The following CDYL2 variants were observed in gnomAD, a reference collection of about 807,000 sequenced individuals.
CDYL2 encodes chromodomain Y-like protein 2.
A neutral mutation model predicts 49.4 loss-of-function variants in CDYL2; 23 were observed. That is an observed-to-expected ratio of 0.47 (90% CI 0.34 to 0.66). The LOEUF is 0.66. Among genes scored for constraint, CDYL2 ranks in the 30% least tolerant of loss-of-function variants. CDYL2 has a pLI of 0.01. For missense variants in CDYL2, 678 were observed against 656.4 expected, an observed-to-expected ratio of 1.03 and a Z score of -0.36; for synonymous variants, 360 against 268.8, an observed-to-expected ratio of 1.34 and a Z score of -3.32.
At chr16:80,637,381 AC>A (rs1299823568) in intron 2 of CDYL2, among the ~76,000 whole-genome samples, 1 of 152,204 alleles carries the variant, frequency 6.6e-6, no homozygotes, top group East Asian at 1.9e-4. Flanking sequence ...TTTCAATATC[AC>A]ACTGAGAGTC....
At chr16:80,690,683 C>G (rs976624345) in intron 1 of CDYL2, among the ~76,000 whole-genome samples, 1 of 152,094 alleles carries the variant, frequency 6.6e-6, no homozygotes, top group Non-Finnish European at 1.5e-5. Flanking sequence ...GCAGCATATC[C>G]GCAGCTTCAG....
chr16:80,722,497 C>T (rs888252721), intron 1 of CDYL2, among the ~76,000 whole-genome samples: 12 of 152,198 alleles, frequency 7.9e-5, no homozygotes, highest in East Asian at 1.9e-4. Flanking sequence ...GAGCCAACAA[C>T]GGCAAAGTCA....
At chr16:80,651,152 G>C (rs1242395124) in intron 2 of CDYL2, among the ~76,000 whole-genome samples, 1 of 152,000 alleles carries the variant, frequency 6.6e-6, no homozygotes, top group Non-Finnish European at 1.5e-5. Context: ...TGAGAGGGTG[G>C]ATACCCCATT....
At chr16:80,780,316 G>A (rs1312265896) in intron 1 of CDYL2, among the ~76,000 whole-genome samples, 2 of 149,856 alleles carry the variant, frequency 1.3e-5, no homozygotes, top group African/African-American at 4.9e-5. Flanking sequence ...CTATAAGCAA[G>A]CCCTTCACAC....
At chr16:80,707,568 C>A (rs1904449067) in intron 1 of CDYL2, among the ~76,000 whole-genome samples, 1 of 152,302 alleles carries the variant, frequency 6.6e-6, no homozygotes, top group East Asian at 1.9e-4. Context: ...GTAAATGCTC[C>A]AGTTGGGAAC....
Position 80,608,084 on chromosome 16 carries a change from G to C in CDYL2, c.1362+8C>G, listed in dbSNP as rs771653331. ...AAGGACAAGCACGCAGGAGGCGCAG[G>C]AACTCACCACGGCACTGCAGGATGC... On this transcript the variant is annotated splice_region_variant and intron_variant, in intron 6 of 6. Coordinates refer to ENST00000570137, the MANE Select transcript of CDYL2 (RefSeq NM_152342.4). The C allele has an allele frequency of 2.3e-5, 36 of 1,567,830 alleles. No individual in the cohort carries two copies. The highest frequency in any genetic ancestry group is 3.0e-5 in the Non-Finnish European group (35 of 1,155,340).
At chr16:80,640,904 G>A (rs1908055695) in intron 2 of CDYL2, among the ~76,000 whole-genome samples, 2 of 151,918 alleles carry the variant, frequency 1.3e-5, no homozygotes, top group East Asian at 1.9e-4. Context: ...TATAGTCAGA[G>A]GAAATAAAAG....
Position 80,772,613 on chromosome 16 carries a change from C to T in CDYL2, c.24+31537G>A, listed in dbSNP as rs148984045. Among the ~76,000 whole-genome samples the T allele has an allele frequency of 5.2e-3, 786 of 152,110 alleles. 2 individuals carry two copies. Among genetic ancestry groups the T allele is most frequent in the Middle Eastern group, 0.014 (4 of 294 alleles). On this transcript the variant is annotated intron_variant, in intron 1 of 6. Coordinates refer to ENST00000570137, the MANE Select transcript of CDYL2 (RefSeq NM_152342.4). Reference sequence around the variant, plus strand: ...GACTACAGGCACGTGCCACCACGCCCGGCTAATGTTTGTATTTTTAGTAGA... The same window carrying T: ...GACTACAGGCACGTGCCACCACGCCTGGCTAATGTTTGTATTTTTAGTAGA...
chr16:80,696,689 CA>C (rs1910625876), intron 1 of CDYL2, among the ~76,000 whole-genome samples: 1 of 151,050 alleles, frequency 6.6e-6, no homozygotes, highest in Non-Finnish European at 1.5e-5. Flanking sequence ...CTGAATAGAC[CA>C]ATTAACAAGT....
chr16:80,802,938 A>C (rs1392123788), intron 1 of CDYL2, among the ~76,000 whole-genome samples: 1 of 152,218 alleles, frequency 6.6e-6, no homozygotes, highest in Non-Finnish European at 1.5e-5. Context: ...TGGAGCCCCA[A>C]AGCCTTAAGA....
At chr16:80,606,973 C>G (rs572598512) in intron 6 of CDYL2, among the ~76,000 whole-genome samples, 10 of 152,178 alleles carry the variant, frequency 6.6e-5, no homozygotes, top group Non-Finnish European at 1.3e-4. Flanking sequence ...ATTACCCAGT[C>G]TCGGGTATGT....
At chr16:80,727,504 G>A (rs1905202598) in intron 1 of CDYL2, among the ~76,000 whole-genome samples, 1 of 152,230 alleles carries the variant, frequency 6.6e-6, no homozygotes, top group Non-Finnish European at 1.5e-5. Context: ...ACTGCAAGGT[G>A]GAAGCGAGGC....
chr16:80,679,727 A>G (rs760405173), intron 2 of CDYL2: 33 of 456,100 alleles, frequency 7.2e-5, no homozygotes, highest in Admixed American at 5.4e-4. Flanking sequence ...AGTTTCCTCA[A>G]TACCACCACC....
intron 1 of CDYL2, among the ~76,000 whole-genome samples, chr16:80,715,928 G>C (rs1427821052): frequency 6.6e-6 from 1 of 152,216 alleles, no homozygotes; most frequent in African/African-American, 2.4e-5. Flanking sequence ...AGAAGAAGTA[G>C]ATTCTAAGCC....
intron 4 of CDYL2, among the ~76,000 whole-genome samples, chr16:80,619,896 C>T (rs1020470654): frequency 1.3e-5 from 2 of 152,198 alleles, no homozygotes; most frequent in Non-Finnish European, 2.9e-5. Context: ...TGGGAATCAG[C>T]CTCCCTCTGT....
chr16:80,638,873 A>G (rs1907956089), intron 2 of CDYL2, among the ~76,000 whole-genome samples: 1 of 152,192 alleles, frequency 6.6e-6, no homozygotes, highest in Non-Finnish European at 1.5e-5. Context: ...GCAAATTATA[A>G]AGCTCCTAGA....
At chr16:80,722,935 G>A (rs573014746) in intron 1 of CDYL2, among the ~76,000 whole-genome samples, 10 of 152,348 alleles carry the variant, frequency 6.6e-5, no homozygotes, top group South Asian at 2.1e-4. Context: ...GAGAAGACTC[G>A]GGAGTTGGCC....
At chr16:80,661,798 T>A (rs1393893646) in intron 2 of CDYL2, among the ~76,000 whole-genome samples, 1 of 152,208 alleles carries the variant, frequency 6.6e-6, no homozygotes, top group Non-Finnish European at 1.5e-5. Flanking sequence ...TATGTTATCA[T>A]CATCCATACA....
chr16:80,777,078 T>A (rs529305260), intron 1 of CDYL2, among the ~76,000 whole-genome samples: 3 of 152,228 alleles, frequency 2.0e-5, no homozygotes, highest in Admixed American at 2.0e-4. Context: ...CGCCTTGGCC[T>A]CCCAAAGTGC....
Sources: allele counts gnomAD v4.1 joint callset (sites outside exome capture counted in the v4.1 genomes callset), GRCh38; gene constraint gnomAD v4.1.1; transcripts MANE v1.5; gene names NCBI Gene and HGNC (gene_info 2026-07-23, HGNC 2026-07-21).